Variants in SHISA9 observed in about 807,000 individuals in gnomAD.
SHISA9 encodes protein shisa-9.
SHISA9 carries 13 observed loss-of-function variants against 38.0 expected under a neutral mutation model. The ratio of observed to expected loss-of-function variants is 0.34; its 90% CI spans 0.22 to 0.54. SHISA9 has a LOEUF of 0.54. SHISA9 is among the 20% of genes least tolerant of loss of function. The pLI, the probability that SHISA9 is intolerant of heterozygous loss-of-function variation, is 0.91. For synonymous variants in SHISA9, 275 were observed against 242.0 expected, an observed-to-expected ratio of 1.14 and a Z score of -1.27; for missense variants, 538 against 575.8, an observed-to-expected ratio of 0.93 and a Z score of 0.67.
the SHISA9 span, among the ~76,000 whole-genome samples, chr16:13,554,377 A>C: frequency 1.3e-5 from 2 of 151,370 alleles, no homozygotes; most frequent in Non-Finnish European, 2.9e-5. Flanking sequence ...CAGAGGACTT[A>C]TATGCTACAA....
chr16:13,468,967 G>A, the SHISA9 span, among the ~76,000 whole-genome samples: 1 of 151,800 alleles, frequency 6.6e-6, no homozygotes, highest in Non-Finnish European at 1.5e-5. Flanking sequence ...AAGAGGCTGG[G>A]CACTGTGGCT....
the SHISA9 span, among the ~76,000 whole-genome samples, chr16:13,547,631 T>C: frequency 6.6e-6 from 1 of 152,292 alleles, no homozygotes; most frequent in Admixed American, 6.5e-5. Flanking sequence ...TCATGCTAAC[T>C]CACATTGATA....
the SHISA9 span, among the ~76,000 whole-genome samples, chr16:13,267,355 G>C: frequency 7.2e-5 from 11 of 152,152 alleles, no homozygotes; most frequent in African/African-American, 2.4e-4. Flanking sequence ...ACTATTTTCA[G>C]CTGGCAAATG....
At chr16:13,136,589 G>C (rs2050351424) in intron 2 of SHISA9, among the ~76,000 whole-genome samples, 1 of 151,814 alleles carries the variant, frequency 6.6e-6, no homozygotes, top group Non-Finnish European at 1.5e-5. Flanking sequence ...TAGTAGAGAA[G>C]GGGTTTCACT....
At chr16:13,274,987 G>T in the SHISA9 span, among the ~76,000 whole-genome samples, 1 of 152,110 alleles carries the variant, frequency 6.6e-6, no homozygotes, top group Non-Finnish European at 1.5e-5. Flanking sequence ...TGATCCAGGA[G>T]ACCTGTCACT....
rs2071262295 is a variant in SHISA9 at position 12,916,674 on chromosome 16, C to G, written c.564-14C>G. 2 of 1,546,648 alleles carry G rather than the reference C, an allele frequency of 1.3e-6. No individual in the cohort carries two copies. The highest frequency in any genetic ancestry group is 1.7e-6 in the Non-Finnish European group (2 of 1,145,330). On this transcript the variant is annotated splice_polypyrimidine_tract_variant and intron_variant, in intron 1 of 4. Coordinates refer to ENST00000558583, the MANE Select transcript of SHISA9 (RefSeq NM_001145204.3). The stretch of plus-strand genomic sequence containing the variant: ...TGTTTTGAATGAACAGATTTAAATT[C>G]TTTCTTCTTTCAGGGCCCTTGCGGA...
intron 2 of SHISA9, among the ~76,000 whole-genome samples, chr16:13,162,811 T>C (rs1449544851): frequency 6.7e-6 from 1 of 150,004 alleles, no homozygotes; most frequent in Admixed American, 6.8e-5. Flanking sequence ...GGAAAGCAAA[T>C]TAAGTTAGTC....
chr16:13,070,298 C>T (rs1469484903), intron 2 of SHISA9, among the ~76,000 whole-genome samples: 1 of 152,176 alleles, frequency 6.6e-6, no homozygotes, highest in Admixed American at 6.5e-5. Context: ...GTCTCCCTCC[C>T]TCTCTCTTTC....
the SHISA9 span, among the ~76,000 whole-genome samples, chr16:13,294,370 A>G: frequency 6.6e-6 from 1 of 152,222 alleles, no homozygotes; most frequent in Non-Finnish European, 1.5e-5. Context: ...TTAGGCCACC[A>G]TAGCTGAAGA....
At chr16:13,032,400 C>T (rs187340828) in intron 2 of SHISA9, among the ~76,000 whole-genome samples, 263 of 152,248 alleles carry the variant, frequency 1.7e-3, no homozygotes, top group Admixed American at 5.0e-3. Context: ...ATATGTGCCA[C>T]ATTTTCTTTA....
chr16:13,028,885 G>A (rs2072957300), intron 2 of SHISA9, among the ~76,000 whole-genome samples: 1 of 152,154 alleles, frequency 6.6e-6, no homozygotes, highest in South Asian at 2.1e-4. Context: ...AGCTGGGGGT[G>A]TCAACACTTC....
intron 2 of SHISA9, among the ~76,000 whole-genome samples, chr16:13,031,570 G>A (rs1215314946): frequency 1.3e-5 from 2 of 152,124 alleles, no homozygotes; most frequent in Non-Finnish European, 2.9e-5. Flanking sequence ...AGGAAACACT[G>A]GAGTTCAGAT....
intron 2 of SHISA9, among the ~76,000 whole-genome samples, chr16:13,102,566 C>G (rs1007819513): frequency 1.3e-5 from 2 of 152,130 alleles, no homozygotes; most frequent in African/African-American, 4.8e-5. Context: ...TCTTGGGCAA[C>G]TTTATCACAC....
At chr16:12,925,557 C>G (rs1476923508) in intron 2 of SHISA9, among the ~76,000 whole-genome samples, 2 of 152,082 alleles carry the variant, frequency 1.3e-5, no homozygotes, top group African/African-American at 4.8e-5. Flanking sequence ...AAAATTGCTA[C>G]TAATGCTGGC....
chr16:13,050,831 T>A lies in SHISA9; in HGVS notation c.691+134016T>A, dbSNP rs1501304. On this transcript the variant is annotated intron_variant, in intron 2 of 4. Coordinates refer to ENST00000558583, the MANE Select transcript of SHISA9 (RefSeq NM_001145204.3). The stretch of plus-strand genomic sequence containing the variant: ...GCTGTTTTTATGGGACATCCTAATC[T>A]CCTAAAGATTCATCAAGAAGGGTCC... Among the ~76,000 whole-genome samples the A allele has an allele frequency of 6.6e-5, 10 of 152,062 alleles. No individual in the cohort carries two copies. The East Asian group carries it at 1.9e-3, about 29-fold the overall frequency.
chr16:13,458,435 T>C, the SHISA9 span: 2 of 389,376 alleles, frequency 5.1e-6, no homozygotes, highest in East Asian at 7.9e-5. Flanking sequence ...ACTGAAAACC[T>C]TCAGTCTCAG....
chr16:12,933,046 T>A (rs2071482589), intron 2 of SHISA9, among the ~76,000 whole-genome samples: 2 of 152,138 alleles, frequency 1.3e-5, no homozygotes, highest in Non-Finnish European at 2.9e-5. Flanking sequence ...TAGACCAAAT[T>A]GATGGATTGG....
the SHISA9 span, among the ~76,000 whole-genome samples, chr16:13,247,952 C>G: frequency 6.6e-6 from 1 of 152,112 alleles, no homozygotes; most frequent in Non-Finnish European, 1.5e-5. Flanking sequence ...TGTGCGGGTG[C>G]CTTATTTTCT....
chr16:12,998,532 T>C, intron 2 of SHISA9, among the ~76,000 whole-genome samples: 1 of 152,150 alleles, frequency 6.6e-6, no homozygotes, highest in East Asian at 1.9e-4. Context: ...TCACTTATTC[T>C]TATTTATTTA....
Sources: gnomAD v4.1 joint callset for allele counts (sites outside exome capture counted in the v4.1 genomes callset) on GRCh38, gnomAD v4.1.1 for gene constraint, MANE v1.5 for transcripts, NCBI Gene and HGNC (gene_info 2026-07-23, HGNC 2026-07-21) for gene names.